Variants in CA12 observed in about 807,000 individuals in gnomAD.
CA12 encodes carbonic anhydrase 12.
A neutral mutation model predicts 46.8 loss-of-function variants in CA12; 36 were observed. The ratio of observed to expected loss-of-function variants is 0.77; its 90% CI spans 0.59 to 1.02. CA12 has a LOEUF of 1.02. CA12 is among the 50% of genes least tolerant of loss of function. The pLI, the probability that CA12 is intolerant of heterozygous loss-of-function variation, is 0.00. For missense variants in CA12, 436 were observed against 451.4 expected, an observed-to-expected ratio of 0.97 and a Z score of 0.31; for synonymous variants, 202 against 187.0, an observed-to-expected ratio of 1.08 and a Z score of -0.65.
rs2039527423 is a variant in CA12 at position 63,373,073 on chromosome 15, TTCTC to T, written c.106+2581_106+2584del. 6.6e-6 allele frequency among the ~76,000 whole-genome samples: 1 copy of T among 152,116 alleles called. No individual in the cohort carries two copies. Among genetic ancestry groups the T allele is most frequent in the Admixed American group, 6.5e-5 (1 of 15,276 alleles). ...CGTCATGATGAAGAGGCAGTTAAGA[TTCTC>T]TTCCCAGCCAGTCATGGTGGCTCAC... is the stretch of plus-strand genomic sequence containing the variant. On this transcript the variant is annotated intron_variant, in intron 2 of 10. Transcript: ENST00000178638. The surrounding 1 kb of genome is among the most constrained non-coding windows in gnomAD (Gnocchi z 4.9).
chr15:63,359,199 A>T (rs1283246113), intron 2 of CA12, among the ~76,000 whole-genome samples: 1 of 152,008 alleles, frequency 6.6e-6, no homozygotes, highest in East Asian at 1.9e-4. Flanking sequence ...CCCTTTGGAT[A>T]ATCCATGGGA....
At chr15:63,354,884 G>A (rs956677527) in intron 2 of CA12, among the ~76,000 whole-genome samples, 16 of 152,082 alleles carry the variant, frequency 1.1e-4, no homozygotes, top group South Asian at 2.1e-4. Context: ...AATAATCCCC[G>A]TCTAATATTG....
chr15:63,351,848 C>A (rs1453803123), intron 2 of CA12, among the ~76,000 whole-genome samples: 1 of 152,188 alleles, frequency 6.6e-6, no homozygotes, highest in Non-Finnish European at 1.5e-5. Flanking sequence ...AAACTTATTA[C>A]AGACTAGAGC....
rs773246772 is a variant in CA12 at position 63,345,746 on chromosome 15, T to C, written c.287-127A>G. ...TGGAGCCCAGAGAGAGGCAGGTGGA[T>C]GGAGTGAGGTGCGGAGCAGAGATGC... On this transcript the variant is annotated intron_variant, in intron 3 of 10. Coordinates refer to ENST00000178638, the MANE Select transcript of CA12 (RefSeq NM_001218.5). The surrounding 1 kb of genome is among the most constrained non-coding windows in gnomAD (Gnocchi z 4.3). The C allele has an allele frequency of 2.5e-4, 300 of 1,218,474 alleles. No individual in the cohort carries two copies. Among genetic ancestry groups the C allele is most frequent in the Non-Finnish European group, 3.0e-4 (257 of 858,794 alleles). 75.5% of individuals were successfully genotyped at this position (1,218,474 alleles called of 1,614,324 possible).
chr15:63,350,205 T>C (rs181732676), intron 2 of CA12, among the ~76,000 whole-genome samples: 1 of 152,142 alleles, frequency 6.6e-6, no homozygotes, highest in African/African-American at 2.4e-5. Flanking sequence ...ATGTGAGAGA[T>C]AGAGGTGCCA....
chr15:63,366,138 CAAAAAAA>C (rs10680238), intron 2 of CA12, among the ~76,000 whole-genome samples: 241 of 116,848 alleles, frequency 2.1e-3, no homozygotes, highest in Non-Finnish European at 2.4e-3. Context: ...GAGACTATCT[CAAAAAAA>C]AAAAAAAAAA....
At chr15:63,333,564 A>G (rs1019696626) in intron 8 of CA12, among the ~76,000 whole-genome samples, 2 of 152,236 alleles carry the variant, frequency 1.3e-5, no homozygotes, top group African/African-American at 4.8e-5. Context: ...GGGAGAATCG[A>G]TGATATTCTT....
At chr15:63,356,544 CAG>C (rs1168799567) in intron 2 of CA12, among the ~76,000 whole-genome samples, 3 of 148,304 alleles carry the variant, frequency 2.0e-5, no homozygotes, top group African/African-American at 7.5e-5. Flanking sequence ...TTTTTTGAGA[CAG>C]AGTCTCTCGC....
intron 1 of CA12, among the ~76,000 whole-genome samples, chr15:63,377,486 TAA>T (rs35858118): frequency 6.6e-6 from 1 of 151,668 alleles, no homozygotes; most frequent in Non-Finnish European, 1.5e-5. Flanking sequence ...GCTTTTTTTT[TAA>T]AAAAAAGCCG....
intron 2 of CA12, among the ~76,000 whole-genome samples, chr15:63,356,130 C>T (rs980332493): frequency 2.0e-5 from 3 of 152,152 alleles, no homozygotes; most frequent in African/African-American, 4.8e-5. Context: ...CGGTGGCTCA[C>T]GCCTGTAATC....
chr15:63,340,431 C>G lies in CA12; in HGVS notation c.604G>C (p.Val202Leu). The part of the protein sequence containing the change: ...HVKYKGQEAF[V>L]PGFNIEELLP... ...AGCTCTTCAATGTTGAATCCCGGGACGAATGCTTCCTGGCCTAGAGAGACA... is the reference window on the plus strand; with the variant it reads ...AGCTCTTCAATGTTGAATCCCGGGAGGAATGCTTCCTGGCCTAGAGAGACA... Residue 202 changes from valine (V) to leucine (L), a missense_variant, in exon 7 of 11, where the codon GTC becomes CTC. Physicochemically the swap from Val to Leu is conservative, Grantham distance 32. Coordinates refer to ENST00000178638, the MANE Select transcript of CA12 (RefSeq NM_001218.5). The surrounding 1 kb of genome is among the most constrained non-coding windows in gnomAD (Gnocchi z 4.4). 1.2e-6 allele frequency: 2 copies of G among 1,614,122 alleles called. No homozygotes were observed. The highest frequency in any genetic ancestry group is 1.1e-5 in the South Asian group (1 of 91,068).
rs2039083937 is a variant in CA12, at chr15:63,341,941, T to C, written c.525+61A>G. ...CAACAGGTATGCATGGAACAAAAGG[T>C]GGAATCCCAATCTCATCCCTGCTTC... On this transcript the variant is annotated intron_variant, in intron 5 of 10. Coordinates refer to ENST00000178638, the MANE Select transcript of CA12 (RefSeq NM_001218.5). This position sits in a 1 kb window ranked among gnomAD's most constrained non-coding sequence, Gnocchi z 5.2. The C allele has an allele frequency of 1.7e-6, 2 of 1,170,998 alleles. No individual in the cohort carries two copies. Among genetic ancestry groups the C allele is most frequent in the Non-Finnish European group, 2.6e-6 (2 of 782,986 alleles). 72.5% of individuals were successfully genotyped at this position (1,170,998 alleles called of 1,614,324 possible). A position where few individuals can be genotyped will look rare whatever the true frequency, so the allele number is the denominator to read the frequency against.
chr15:63,335,883 C>G (rs758119293), intron 8 of CA12, among the ~76,000 whole-genome samples: 4 of 152,198 alleles, frequency 2.6e-5, no homozygotes, highest in South Asian at 4.1e-4. Context: ...GAATGCAGCC[C>G]CCTGGGCAGA....
intron 2 of CA12, among the ~76,000 whole-genome samples, chr15:63,362,134 C>T (rs772456096): frequency 2.0e-5 from 3 of 152,162 alleles, no homozygotes; most frequent in Admixed American, 6.5e-5. Context: ...AGAGAATATG[C>T]AAACAAATGA....
Position 63,340,346 on chromosome 15 carries a change from C to A in CA12, c.689G>T (p.Cys230Phe). The A allele has an allele frequency of 6.2e-7, 1 of 1,614,116 alleles. No individual in the cohort carries two copies. The highest frequency in any genetic ancestry group is 1.3e-5 in the African/African-American group (1 of 75,014). The change falls in exon 7 of 11, where the codon TGC becomes TTC. Residue 230 changes from cysteine (C) to phenylalanine (F), a missense_variant. Cys to Phe is a radical substitution (Grantham distance 205). Transcript: ENST00000178638. This position sits in a 1 kb window ranked among gnomAD's most constrained non-coding sequence, Gnocchi z 4.4. ...AACTGTCCAGAGCACAGTGGGGTTGCAAGGGGGTGTGGTCAGGGACCCCCG... is the reference window on the plus strand; with the variant it reads ...AACTGTCCAGAGCACAGTGGGGTTGAAAGGGGGTGTGGTCAGGGACCCCCG... ...RYRGSLTTPP[C>F]NPTVLWTVFR...
intron 1 of CA12, among the ~76,000 whole-genome samples, chr15:63,376,557 C>CCTTCCTTCCTTTCTTTCTTTCTTT (rs1555432625): frequency 1.9e-5 from 2 of 104,622 alleles, no homozygotes; most frequent in African/African-American, 7.2e-5. Context: ...CTCTTTCTTT[C>CCTTCCTTCCTTTCTTTCTTTCTTT]CTTTCTTTCT....
chr15:63,381,643 TGG>T lies in CA12; in HGVS notation c.76_77del (p.Pro26SerfsTer12). The T allele has an allele frequency of 6.2e-7, 1 of 1,611,218 alleles. No individual in the cohort carries two copies. The highest frequency in any genetic ancestry group is 8.5e-7 in the Non-Finnish European group (1 of 1,178,728). ...AGCAGGCGGAAACTTTACCGTTCAC[TGG>T]GGCCGGGCTGGAAGGCTGTTCCTTT... ...ILKEQPSSPA[P>X]VNGSKWTYFG... On this transcript the variant is annotated frameshift_variant, in exon 1 of 11. Coordinates refer to ENST00000178638, the MANE Select transcript of CA12 (RefSeq NM_001218.5). LOFTEE classifies it high-confidence loss of function.
rs1595770059 is a variant in CA12 at position 63,321,419 on chromosome 15, A to G, written c.*4866T>C. 1.3e-5 allele frequency: 2 copies of G among 152,262 alleles called. No homozygotes were observed. Among genetic ancestry groups the G allele is most frequent in the Non-Finnish European group, 1.5e-5 (1 of 68,046 alleles). 9.4% of individuals were successfully genotyped at this position (152,262 alleles called of 1,614,324 possible). A position where few individuals can be genotyped will look rare whatever the true frequency, so the allele number is the denominator to read the frequency against. On this transcript the variant is annotated 3_prime_UTR_variant, in exon 11 of 11. Coordinates refer to ENST00000178638, the MANE Select transcript of CA12 (RefSeq NM_001218.5). The surrounding 1 kb of genome is among the most constrained non-coding windows in gnomAD (Gnocchi z 4.5). ...TTTATGGTGAATTATTCAATACAGCAAAGTAATCTGGCCCTTATCTCTGCC... is the reference window on the plus strand; with the variant it reads ...TTTATGGTGAATTATTCAATACAGCGAAGTAATCTGGCCCTTATCTCTGCC...
In CA12 at chr15:63,345,621, T is replaced by C. The variant is rs752799896; in HGVS notation, c.287-2A>G. On this transcript the variant is annotated splice_acceptor_variant, in intron 3 of 10. Coordinates refer to ENST00000178638, the MANE Select transcript of CA12 (RefSeq NM_001218.5). LOFTEE classifies it high-confidence loss of function. The surrounding 1 kb of genome is among the most constrained non-coding windows in gnomAD (Gnocchi z 4.3). ...TGTCCGAGGGCAGGTTCAGCTTCAC[T>C]GCGGGGAGTGGAGGAGCAGCCTTCA... The C allele has an allele frequency of 1.2e-6, 2 of 1,611,518 alleles. No homozygotes were observed. The highest frequency in any genetic ancestry group is 1.1e-5 in the South Asian group (1 of 90,940).
Sources: gnomAD v4.1 joint callset for allele counts (sites outside exome capture counted in the v4.1 genomes callset) on GRCh38, gnomAD v4.1.1 for gene constraint, Gnocchi (gnomAD v3.1) non-coding constraint, MANE v1.5 for transcripts, NCBI Gene and HGNC (gene_info 2026-07-23, HGNC 2026-07-21) for gene names.